The following COL19A1 variants were observed in gnomAD, a reference collection of about 807,000 sequenced individuals.
COL19A1 encodes the protein collagen alpha-1(XIX) chain.
In COL19A1, 159 loss-of-function variants were observed where a neutral mutation model predicts 190.2. That is an observed-to-expected ratio of 0.84 (90% CI 0.73 to 0.95). The LOEUF is 0.95. Ranked by LOEUF, COL19A1 falls within the 40% of genes least tolerant of loss-of-function variation. COL19A1 has a pLI of 0.00. For synonymous variants in COL19A1, 509 were observed against 458.9 expected (o/e 1.11, Z -1.39); for missense variants, 1,418 against 1,431.9 (o/e 0.99, Z 0.16).
chr6:70,155,821 G>T lies in COL19A1; in HGVS notation c.2080-306G>T, dbSNP rs540689347. 1.5e-3 allele frequency among the ~76,000 whole-genome samples: 233 copies of T among 152,100 alleles called. 1 individual carries two copies. The highest frequency in any genetic ancestry group is 5.3e-3 in the African/African-American group (221 of 41,522). ...GCTAAACAATTGAGCCTCAGTTTTT[G>T]TTCTTGACTTATGTGTCTTTTCCTT... On this transcript the variant is annotated intron_variant, in intron 31 of 50. Coordinates refer to ENST00000620364, the MANE Select transcript of COL19A1 (RefSeq NM_001858.6).
At chr6:69,974,186 A>G (rs918213027) in intron 11 of COL19A1, 1 of 152,270 alleles carries the variant, frequency 6.6e-6, no homozygotes, top group Non-Finnish European at 1.5e-5. Context: ...GAAACAAGAC[A>G]GAAATCAAAT....
chr6:70,146,813 G>A lies in COL19A1; in HGVS notation c.1817G>A (p.Gly606Asp), dbSNP rs1447805821. Residue 606 changes from glycine to aspartate, a missense_variant and splice_region_variant, in exon 27 of 51, where the codon GGT becomes GAT. Gly to Asp is a moderately conservative substitution (Grantham distance 94, BLOSUM62 -1). Coordinates refer to ENST00000620364, the MANE Select transcript of COL19A1 (RefSeq NM_001858.6). ...TAACAGAAGCCTTTCATTTCACAGG[G>A]TGAAAGAGGACTTCCAGGTGTTCAC... ...PGAPGPRGPK[G>D]ERGLPGVHGS... is the part of the protein sequence containing the mutation. 1 of 1,597,044 alleles carries A rather than the reference G, an allele frequency of 6.3e-7. No homozygotes were observed. The highest frequency in any genetic ancestry group is 8.5e-7 in the Non-Finnish European group (1 of 1,173,170).
intron 12 of COL19A1, among the ~76,000 whole-genome samples, chr6:70,027,802 G>T (rs9454943): frequency 6.6e-6 from 1 of 152,060 alleles, no homozygotes; most frequent in Non-Finnish European, 1.5e-5. Flanking sequence ...CCTAATACAA[G>T]ATATATTTAA....
At chr6:70,137,847 C>T (rs1785967667) in intron 19 of COL19A1, 100 bp downstream of exon 19, 6 of 1,100,520 alleles carry the variant, frequency 5.5e-6, no homozygotes, top group Non-Finnish European at 8.1e-6. Context: ...TTGGTTGATC[C>T]TGTCATGGGA....
intron 15 of COL19A1, among the ~76,000 whole-genome samples, chr6:70,071,021 C>G (rs2150153255): frequency 6.6e-6 from 1 of 152,060 alleles, no homozygotes; most frequent in Admixed American, 6.6e-5. Flanking sequence ...TACTTTATTC[C>G]TAGACATAAT....
intron 11 of COL19A1, among the ~76,000 whole-genome samples, chr6:69,998,220 A>AATT (rs1291527408): frequency 6.6e-6 from 1 of 152,244 alleles, no homozygotes; most frequent in Non-Finnish European, 1.5e-5. Flanking sequence ...AGAGTTGCTA[A>AATT]AGAAGTCCCA....
intron 16 of COL19A1, among the ~76,000 whole-genome samples, chr6:70,108,983 T>A (rs554575689): frequency 1.3e-5 from 2 of 152,262 alleles, no homozygotes; most frequent in South Asian, 4.1e-4. Flanking sequence ...ATGGCCTATC[T>A]ACTATGTGTT....
At chr6:70,066,220 C>G (rs566454783) in intron 14 of COL19A1, among the ~76,000 whole-genome samples, 2 of 152,218 alleles carry the variant, frequency 1.3e-5, no homozygotes, top group Admixed American at 1.3e-4. Context: ...CAGTGATAGA[C>G]TGGATTAAGA....
intron 14 of COL19A1, among the ~76,000 whole-genome samples, chr6:70,038,217 T>C (rs1000638690): frequency 9.9e-5 from 15 of 152,252 alleles, no homozygotes; most frequent in African/African-American, 3.4e-4. Flanking sequence ...AGTTCATCCA[T>C]AATTGTTCTC....
intron 11 of COL19A1, among the ~76,000 whole-genome samples, chr6:70,004,043 A>AAG (rs1777455236): frequency 6.6e-6 from 1 of 152,134 alleles, no homozygotes; most frequent in African/African-American, 2.4e-5. Flanking sequence ...TGCTTCTTTC[A>AAG]GGAGCTCTTG....
At chr6:69,929,155 T>TAC (rs141935825) in intron 5 of COL19A1, among the ~76,000 whole-genome samples, 7,622 of 148,588 alleles carry the variant, frequency 0.051, 234 homozygotes, top group East Asian at 0.12. Context: ...TTAAAATAAC[T>TAC]ACACACACAC....
In COL19A1 at chr6:70,023,690, ACT is replaced by A. The variant is rs764360579; in HGVS notation, c.1080+13_1080+14del. 6.9e-6 allele frequency: 11 copies of A among 1,605,572 alleles called. No individual in the cohort carries two copies. The East Asian group carries it at 1.3e-4, about 20-fold the overall frequency. ...CCTTAATGGAGAAAATGTAAGCCTA[ACT>A]CTTTTTTCTGATACTCTGTTTACAT... On this transcript the variant is annotated intron_variant, in intron 12 of 50. Transcript: ENST00000620364.
At chr6:69,980,466 G>A (rs1246137813) in intron 11 of COL19A1, among the ~76,000 whole-genome samples, 1 of 152,126 alleles carries the variant, frequency 6.6e-6, no homozygotes, top group Non-Finnish European at 1.5e-5. Flanking sequence ...CTTTACATTT[G>A]TGTAATCCAG....
At chr6:70,206,768 G>A (rs1767889893) in intron 49 of COL19A1, 133 bp from the exon 50 acceptor site, 1 of 680,814 alleles carries the variant, frequency 1.5e-6, no homozygotes, top group Admixed American at 3.2e-5. Flanking sequence ...ATGCAAAACA[G>A]TTAGCTAATA....
At chr6:70,204,167 GTAGAC>G (rs1266268962) in intron 49 of COL19A1, among the ~76,000 whole-genome samples, 1 of 152,056 alleles carries the variant, frequency 6.6e-6, no homozygotes, top group African/African-American at 2.4e-5. Context: ...TGCCCATCCT[GTAGAC>G]TTATCGTATA....
chr6:70,062,681 C>A (rs569031326), intron 14 of COL19A1, among the ~76,000 whole-genome samples: 13 of 152,200 alleles, frequency 8.5e-5, no homozygotes, highest in East Asian at 1.9e-4. Context: ...AAGACACAGA[C>A]TGGCAAATTG....
intron 14 of COL19A1, among the ~76,000 whole-genome samples, chr6:70,042,027 T>C (rs1215155162): frequency 1.3e-5 from 2 of 152,140 alleles, no homozygotes; most frequent in East Asian, 3.9e-4. Context: ...ATTGCACCGC[T>C]GCACTCCAGC....
Position 70,156,201 on chromosome 6 carries a change from G to A in COL19A1, c.2154G>A (p.Glu718=), listed in dbSNP as rs1395088902. ...SNKGEEGGAG[E]PGKYDSMARK... ...AAGGAGAAGAAGGAGGTGCTGGTGAGCCTGGAAAGTATGATTCCATGGCCC... is the reference window on the plus strand; with the variant it reads ...AAGGAGAAGAAGGAGGTGCTGGTGAACCTGGAAAGTATGATTCCATGGCCC... The change falls in exon 32 of 51, where the codon GAG becomes GAA. Residue 718 remains glutamate (E), a synonymous_variant. Coordinates refer to ENST00000620364, the MANE Select transcript of COL19A1 (RefSeq NM_001858.6). 6.2e-7 allele frequency: 1 copy of A among 1,613,366 alleles called. No individual in the cohort carries two copies. The highest frequency in any genetic ancestry group is 8.5e-7 in the Non-Finnish European group (1 of 1,179,598).
intron 27 of COL19A1, among the ~76,000 whole-genome samples, chr6:70,149,092 A>G (rs1173574085): frequency 6.6e-6 from 1 of 152,152 alleles, no homozygotes; most frequent in Non-Finnish European, 1.5e-5. Flanking sequence ...GTGAGCAGTT[A>G]CTGAAGTCAA....
Sources: allele counts gnomAD v4.1 joint callset (sites outside exome capture counted in the v4.1 genomes callset), GRCh38; gene constraint gnomAD v4.1.1; transcripts MANE v1.5; gene names NCBI Gene and HGNC (gene_info 2026-07-23, HGNC 2026-07-21).